Variants in NRAP observed in about 807,000 individuals in gnomAD.
NRAP encodes the protein nebulin related anchoring protein, also known as nebulin-related-anchoring protein.
In NRAP, 189 loss-of-function variants were observed where a neutral mutation model predicts 225.9. That is an observed-to-expected ratio of 0.84 (90% CI 0.74 to 0.94). The LOEUF (loss-of-function observed/expected upper bound fraction) is 0.94. Ranked by LOEUF, NRAP falls within the 40% of genes least tolerant of loss-of-function variation. The probability of loss-of-function intolerance (pLI) is 0.00; values close to 1 mark genes in which losing one functional copy is unlikely to be tolerated. For missense variants in NRAP, 2,176 were observed against 2,168.7 expected (o/e 1.00, Z -0.07); for synonymous variants, 769 against 790.7 (o/e 0.97, Z 0.46).
At chr10:113,638,208 C>T (rs770407100) in intron 14 of NRAP, among the ~76,000 whole-genome samples, 13 of 152,154 alleles carry the variant, frequency 8.5e-5, no homozygotes, top group Non-Finnish European at 1.6e-4. Flanking sequence ...GATAATTCTG[C>T]ATTAAGTATG....
At chr10:113,660,086 A>ACACACC (rs1214359332) in intron 3 of NRAP, among the ~76,000 whole-genome samples, 4 of 144,458 alleles carry the variant, frequency 2.8e-5, no homozygotes, top group South Asian at 2.3e-4. Flanking sequence ...ACACACACAC[A>ACACACC]CCATATACAC....
chr10:113,639,446 C>G (rs1849072660), intron 14 of NRAP, among the ~76,000 whole-genome samples: 1 of 152,162 alleles, frequency 6.6e-6, no homozygotes, highest in Non-Finnish European at 1.5e-5. Flanking sequence ...GTACTGATCC[C>G]AAAGGAAAGC....
At chr10:113,642,596 A>G (rs559883495) in intron 12 of NRAP, among the ~76,000 whole-genome samples, 21 of 152,298 alleles carry the variant, frequency 1.4e-4, no homozygotes, top group Middle Eastern at 3.4e-3. Context: ...AGAAGCACAA[A>G]GTCACATTGA....
At chr10:113,633,510 T>G (rs1231437889) in intron 15 of NRAP, among the ~76,000 whole-genome samples, 1 of 152,214 alleles carries the variant, frequency 6.6e-6, no homozygotes. Context: ...AATATCTTGT[T>G]ATAGGCAGGG....
chr10:113,643,016 TC>T lies in NRAP; in HGVS notation c.1132del (p.Glu378LysfsTer19). 1 of 1,582,758 alleles carries T rather than the reference TC, an allele frequency of 6.3e-7. No homozygotes were observed. The highest frequency in any genetic ancestry group is 8.7e-7 in the Non-Finnish European group (1 of 1,151,528). Reference sequence around the variant, plus strand: ...GTTGATACTGTGACCTCTACTACTTTCCAGATCCTTCTTATACTCCACCTTG... The same window carrying T: ...GTTGATACTGTGACCTCTACTACTTTCAGATCCTTCTTATACTCCACCTTG... Reference protein sequence around the residue: ...VSEVEYKKDLESSRGHSINYC... With the variant: ...VSEVEYKKDLXSSRGHSINYC... On this transcript the variant is annotated frameshift_variant, in exon 12 of 42. Coordinates refer to ENST00000359988, the MANE Select transcript of NRAP (RefSeq NM_198060.4). LOFTEE classifies it high-confidence loss of function.
Position 113,610,556 on chromosome 10 carries a change from T to C in NRAP, c.3506A>G (p.Tyr1169Cys). 1 of 1,578,274 alleles carries C rather than the reference T, an allele frequency of 6.3e-7. No homozygotes were observed. The highest frequency in any genetic ancestry group is 8.7e-7 in the Non-Finnish European group (1 of 1,147,402). The change falls in exon 31 of 42, where the codon TAC (tyrosine) becomes TGC (cysteine). Residue 1169 changes from tyrosine to cysteine, a missense_variant. Coordinates refer to ENST00000359988, the MANE Select transcript of NRAP (RefSeq NM_198060.4). Reference sequence around the variant, plus strand: ...TCGCATAAAGTTCAGGTCTGACCGGTACAAATTCTAGAAGAAATAATAAAT... The same window carrying C: ...TCGCATAAAGTTCAGGTCTGACCGGCACAAATTCTAGAAGAAATAATAAAT... ...KAHKLQSENL[Y>C]RSDLNFMRGV...
At chr10:113,634,238 T>C (rs1484824574) in intron 14 of NRAP, 28 bp from the exon 15 acceptor site, 6 of 1,469,948 alleles carry the variant, frequency 4.1e-6, no homozygotes, top group Non-Finnish European at 5.7e-6. Context: ...CAAAAAGATG[T>C]CATTTGCTCT....
At position 113,647,630 on chromosome 10, in the gene NRAP, C is replaced by CCGGTGG. The variant is rs1419730127; in HGVS notation, c.889-604_889-603insCCACCG. On this transcript the variant is annotated intron_variant, in intron 9 of 41. Coordinates refer to ENST00000359988, the MANE Select transcript of NRAP (RefSeq NM_198060.4). ...GTCTCCCCCGGTGGTACTTCCTCCC[C>CCGGTGG]TAGTGGTACTGTCTCCCCCCGGTGG... Among the ~76,000 whole-genome samples the CCGGTGG allele has an allele frequency of 5.3e-4, 77 of 145,050 alleles. 2 individuals are homozygous for CCGGTGG. The highest frequency in any genetic ancestry group is 1.7e-3 in the African/African-American group (65 of 39,010).
At chr10:113,592,069 A>G (rs1846023750) in intron 39 of NRAP, 125 bp downstream of exon 39, 1 of 523,246 alleles carries the variant, frequency 1.9e-6, no homozygotes, top group Non-Finnish European at 3.4e-6. Flanking sequence ...AATACAGTAC[A>G]TGTTCAGTTT....
In NRAP at chr10:113,620,781, G is replaced by A; in HGVS notation, c.2770-73C>T. ...ACAGACATTTAAAGGGCTATTAGCG[G>A]CTCCCAACACAGCCTTGGTGCCAGC... On this transcript the variant is annotated intron_variant, in intron 24 of 41. Transcript: ENST00000359988. The A allele has an allele frequency of 2.9e-6, 3 of 1,033,742 alleles. No individual in the cohort carries two copies. The South Asian group carries it at 3.9e-5, about 13-fold the overall frequency. The allele number at this position is 1,033,742 out of a possible 1,614,324, so 64.0% of individuals were successfully genotyped here.
Position 113,597,135 on chromosome 10 carries a change from T to A in NRAP, c.4382A>T (p.Asp1461Val), listed in dbSNP as rs112632432. 3 of 1,613,768 alleles carry A rather than the reference T, an allele frequency of 1.9e-6. No individual in the cohort carries two copies. The South Asian group carries it at 3.3e-5, about 18-fold the overall frequency. The change falls in exon 37 of 42, where the codon GAC becomes GTC. Residue 1461 changes from aspartate (D) to valine (V), a missense_variant. By Grantham distance (152) the Asp-to-Val change is radical (BLOSUM62 -3). This residue lies in a region of NRAP where 445 missense variants were observed against 426.1 expected (regional missense o/e 1.04). Transcript: ENST00000359988. Reference sequence around the variant, plus strand: ...CTTGGCATGAACCAGGTCTGGGGAGTCAACCACTGTGGTGAACTTGATACT... The same window carrying A: ...CTTGGCATGAACCAGGTCTGGGGAGACAACCACTGTGGTGAACTTGATACT... ...PDSIKFTTVV[D>V]SPDLVHAKNS...
At chr10:113,592,403 T>C in intron 38 of NRAP, 102 bp from the exon 39 acceptor site, 2 of 705,158 alleles carry the variant, frequency 2.8e-6, no homozygotes, top group Non-Finnish European at 4.8e-6. Flanking sequence ...TGTTGGTTCC[T>C]AGGACGGCAC....
At chr10:113,594,378 C>T (rs564594448) in intron 38 of NRAP, among the ~76,000 whole-genome samples, 3 of 152,322 alleles carry the variant, frequency 2.0e-5, no homozygotes, top group African/African-American at 7.2e-5. Context: ...ACTCTGCAGA[C>T]CGGCATCCCT....
At chr10:113,607,941 G>A (rs1847095390) in intron 32 of NRAP, among the ~76,000 whole-genome samples, 1 of 152,214 alleles carries the variant, frequency 6.6e-6, no homozygotes, top group African/African-American at 2.4e-5. Context: ...GTAGATAATT[G>A]AGAAGCCTGA....
At position 113,617,437 on chromosome 10, in the gene NRAP, A is replaced by G. The variant is rs750620380; in HGVS notation, c.2973+18T>C. The G allele has an allele frequency of 7.2e-6, 10 of 1,387,142 alleles. No individual in the cohort carries two copies. In the Admixed American group the frequency reaches 1.2e-4, roughly 16 times the overall value. 85.9% of individuals were successfully genotyped at this position (1,387,142 alleles called of 1,614,324 possible). A position where few individuals can be genotyped will look rare whatever the true frequency, so the allele number is the denominator to read the frequency against. Reference sequence around the variant, plus strand: ...GAGCCCACTCTTAGAGTCATAATGTATATACATTATCACTTACATCCACTG... The same window carrying G: ...GAGCCCACTCTTAGAGTCATAATGTGTATACATTATCACTTACATCCACTG... On this transcript the variant is annotated intron_variant, in intron 26 of 41. Transcript: ENST00000359988.
At chr10:113,600,739 G>A (rs1846550687) in intron 35 of NRAP, among the ~76,000 whole-genome samples, 1 of 152,204 alleles carries the variant, frequency 6.6e-6, no homozygotes, top group African/African-American at 2.4e-5. Context: ...TTCCCTACCA[G>A]CTGTGGCCTT....
intron 41 of NRAP, 49 bp from the exon 42 acceptor site, chr10:113,589,128 C>A (rs113256086): frequency 3.3e-6 from 5 of 1,502,690 alleles, no homozygotes; most frequent in Admixed American, 1.7e-5. Context: ...CCCCCACCCC[C>A]ACTCCCGGCC....
intron 9 of NRAP, 53 bp from the exon 10 acceptor site, chr10:113,647,080 T>A: frequency 8.6e-7 from 1 of 1,157,984 alleles, no homozygotes. Flanking sequence ...CCCAGATGGG[T>A]GGGGTTCAGC....
At position 113,646,993 on chromosome 10, in the gene NRAP, T is replaced by G; in HGVS notation, c.923A>C (p.Lys308Thr). Residue 308 changes from lysine (K) to threonine (T), a missense_variant, in exon 10 of 42, where the codon AAG becomes ACG. Coordinates refer to ENST00000359988, the MANE Select transcript of NRAP (RefSeq NM_198060.4). ...YPEEYEEHRG[K>T]GSFPAMITPA... ...AGTGATCATAGCTGGGAAGCTGCCCTTTCCCCTGTGCTCCTCATACTCCTC... is the reference window on the plus strand; with the variant it reads ...AGTGATCATAGCTGGGAAGCTGCCCGTTCCCCTGTGCTCCTCATACTCCTC... The G allele has an allele frequency of 6.2e-7, 1 of 1,614,090 alleles. No homozygotes were observed. The highest frequency in any genetic ancestry group is 1.1e-5 in the South Asian group (1 of 91,078).
Sources: gnomAD v4.1 joint callset for allele counts (sites outside exome capture counted in the v4.1 genomes callset) on GRCh38, gnomAD v4.1.1 for gene constraint, gnomAD v4.1.1 regional missense constraint, MANE v1.5 for transcripts, NCBI Gene and HGNC (gene_info 2026-07-23, HGNC 2026-07-21) for gene names.